Variants in PCBP3 observed in about 807,000 individuals in gnomAD.
PCBP3 encodes the protein poly(rC) binding protein 3, also known as poly(rC)-binding protein 3.
A neutral mutation model predicts 52.7 loss-of-function variants in PCBP3; 25 were observed. The ratio of observed to expected loss-of-function variants is 0.47; its 90% CI spans 0.35 to 0.66. The LOEUF (loss-of-function observed/expected upper bound fraction) is 0.66, where lower values mean the gene tolerates loss of function less well. PCBP3 is among the 30% of genes least tolerant of loss of function. The pLI, the probability that PCBP3 is intolerant of heterozygous loss-of-function variation, is 0.01. For missense variants in PCBP3, 391 were observed against 490.3 expected (o/e 0.80, Z 1.91); for synonymous variants, 162 against 183.0 (o/e 0.89, Z 0.93).
intron 9 of PCBP3, among the ~76,000 whole-genome samples, chr21:45,903,197 A>T (rs915388514): frequency 2.0e-5 from 3 of 152,090 alleles, no homozygotes; most frequent in Non-Finnish European, 4.4e-5. Flanking sequence ...GTTGCTCAGG[A>T]CAAGAGGTTG....
intron 1 of PCBP3, among the ~76,000 whole-genome samples, chr21:45,667,940 T>C (rs764613019): frequency 1.3e-5 from 2 of 152,232 alleles, no homozygotes; most frequent in Non-Finnish European, 2.9e-5. Context: ...ACTGACTCTG[T>C]ACTTGAATAG....
At chr21:45,762,453 G>A (rs2088780502) in intron 4 of PCBP3, 1 of 151,654 alleles carries the variant, frequency 6.6e-6, no homozygotes, top group South Asian at 2.1e-4. Flanking sequence ...TCTTAAGGGA[G>A]GGTAATTGTG....
At chr21:45,740,203 A>T (rs374660060) in intron 3 of PCBP3, among the ~76,000 whole-genome samples, 7 of 152,190 alleles carry the variant, frequency 4.6e-5, no homozygotes, top group African/African-American at 1.7e-4. Context: ...CTGCCCCTCA[A>T]GTGCAAGGAG....
At chr21:45,785,651 G>A (rs1165309700) in intron 4 of PCBP3, among the ~76,000 whole-genome samples, 6 of 152,268 alleles carry the variant, frequency 3.9e-5, no homozygotes, top group African/African-American at 1.4e-4. Flanking sequence ...AGCTCATTGA[G>A]AATGGGCCAT....
intron 15 of PCBP3, among the ~76,000 whole-genome samples, chr21:45,932,842 C>A (rs2076436264): frequency 6.6e-6 from 1 of 151,944 alleles, no homozygotes; most frequent in Non-Finnish European, 1.5e-5. Context: ...TGAACGAACA[C>A]CTGGGCCTTG....
At chr21:45,929,874 G>C (rs764924869) in intron 13 of PCBP3, 43 bp from the exon 14 acceptor site, 1 of 1,448,462 alleles carries the variant, frequency 6.9e-7, no homozygotes, top group South Asian at 1.1e-5. Context: ...ACTTGTACTC[G>C]ATGACAATAA....
intron 3 of PCBP3, among the ~76,000 whole-genome samples, chr21:45,740,612 G>T (rs1603360829): frequency 9.0e-6 from 1 of 110,624 alleles, no homozygotes; most frequent in African/African-American, 3.7e-5. Context: ...GTGTGTGTGT[G>T]GTGTGTGTAG....
rs62213277 is a variant in PCBP3, at chr21:45,737,139, G to A, written c.-162+1710G>A. On this transcript the variant is annotated intron_variant, in intron 3 of 17. Transcript: ENST00000681687. This position sits in a 1 kb window ranked among gnomAD's most constrained non-coding sequence, Gnocchi z 4.9. ...AGAGTGCCGCGGGTTAGGAGGTGAG[G>A]GTGCAGCTGGGGCACATCAGGGGTC... 0.17 allele frequency among the ~76,000 whole-genome samples: 26,281 copies of A among 151,894 alleles called. 2,383 individuals are homozygous for A. The highest frequency in any genetic ancestry group is 0.32 in the Middle Eastern group (95 of 294).
At chr21:45,902,691 G>T (rs1031409892) in intron 9 of PCBP3, among the ~76,000 whole-genome samples, 1 of 152,258 alleles carries the variant, frequency 6.6e-6, no homozygotes, top group Non-Finnish European at 1.5e-5. Context: ...ATGAGGACCA[G>T]CCTTGGAGAG....
At chr21:45,798,790 T>C (rs1456312738) in intron 4 of PCBP3, among the ~76,000 whole-genome samples, 1 of 138,734 alleles carries the variant, frequency 7.2e-6, no homozygotes, top group Non-Finnish European at 1.6e-5. Context: ...CATGGATCTG[T>C]AGAGAGAGTG....
At chr21:45,702,273 G>A (rs1221302835) in intron 2 of PCBP3, among the ~76,000 whole-genome samples, 3 of 152,146 alleles carry the variant, frequency 2.0e-5, no homozygotes, top group African/African-American at 4.8e-5. Context: ...TTCATAACAT[G>A]CATTAGTCAT....
At chr21:45,777,464 G>A (rs2090341951) in intron 4 of PCBP3, among the ~76,000 whole-genome samples, 1 of 152,140 alleles carries the variant, frequency 6.6e-6, no homozygotes, top group Admixed American at 6.5e-5. Context: ...TAAATCTTCT[G>A]CTAGACTTGA....
intron 1 of PCBP3, among the ~76,000 whole-genome samples, chr21:45,647,090 A>G (rs1400653007): frequency 6.6e-6 from 1 of 152,210 alleles, no homozygotes; most frequent in Non-Finnish European, 1.5e-5. Flanking sequence ...GATAGATGTC[A>G]CTTGTGGTAC....
At chr21:45,933,315 AT>A (rs1472927653) in intron 15 of PCBP3, among the ~76,000 whole-genome samples, 2 of 152,280 alleles carry the variant, frequency 1.3e-5, no homozygotes, top group Non-Finnish European at 2.9e-5. Flanking sequence ...CCTGAGATGA[AT>A]GAACACATTG....
At chr21:45,717,466 A>G (rs1361494200) in intron 2 of PCBP3, among the ~76,000 whole-genome samples, 2 of 152,134 alleles carry the variant, frequency 1.3e-5, no homozygotes, top group African/African-American at 2.4e-5. Context: ...GTTAGCTGCG[A>G]GTTTTTCATA....
Position 45,736,861 on chromosome 21 carries a change from TGTCAGGGG to T in PCBP3, c.-162+1435_-162+1442del, listed in dbSNP as rs780757782. Among the ~76,000 whole-genome samples, 20 of 151,812 alleles carry T rather than the reference TGTCAGGGG, an allele frequency of 1.3e-4. No homozygotes were observed. Among genetic ancestry groups the T allele is most frequent in the Non-Finnish European group, 2.2e-4 (15 of 67,824 alleles). ...TAGTCAGTGAGTTCATCCTGTGGCA[TGTCAGGGG>T]GTGACAGTGGCTGTGGAGGAAACAG... On this transcript the variant is annotated intron_variant, in intron 3 of 17. Coordinates refer to ENST00000681687, the MANE Select transcript of PCBP3 (RefSeq NM_001384156.1). The surrounding 1 kb of genome is among the most constrained non-coding windows in gnomAD (Gnocchi z 4.6).
In PCBP3 at chr21:45,904,475, C is replaced by T. The variant is rs910447633; in HGVS notation, c.339+3362C>T. 1.3e-5 allele frequency among the ~76,000 whole-genome samples: 2 copies of T among 151,790 alleles called. No individual in the cohort carries two copies. Among genetic ancestry groups the T allele is most frequent in the South Asian group, 2.1e-4 (1 of 4,796 alleles). On this transcript the variant is annotated intron_variant, in intron 9 of 17. Transcript: ENST00000681687. The surrounding 1 kb of genome is among the most constrained non-coding windows in gnomAD (Gnocchi z 4.8). ...TTGGAGTTTTCATCTTTTGGTCCTT[C>T]GGTTTTTCCAGAAGACTGTGGATGG...
At chr21:45,902,569 C>T (rs908000663) in intron 9 of PCBP3, among the ~76,000 whole-genome samples, 2 of 152,320 alleles carry the variant, frequency 1.3e-5, no homozygotes, top group Middle Eastern at 6.8e-3. Flanking sequence ...TGGAATACAG[C>T]AGACCAGCAT....
chr21:45,694,699 T>G (rs1347515663), intron 2 of PCBP3, among the ~76,000 whole-genome samples: 3 of 152,172 alleles, frequency 2.0e-5, no homozygotes, highest in Non-Finnish European at 4.4e-5. Flanking sequence ...TAAAGACCAC[T>G]CAATTATATT....
Sources: gnomAD v4.1 joint callset for allele counts (sites outside exome capture counted in the v4.1 genomes callset) on GRCh38, gnomAD v4.1.1 for gene constraint, Gnocchi (gnomAD v3.1) non-coding constraint, MANE v1.5 for transcripts, NCBI Gene and HGNC (gene_info 2026-07-23, HGNC 2026-07-21) for gene names.